DNAH7: variants seen among roughly 807,000 people sequenced by gnomAD.
The protein encoded by DNAH7 is dynein axonemal heavy chain 7.
Under a neutral mutation model 444.6 loss-of-function variants are expected in DNAH7, and 397 were observed. The observed-to-expected ratio is 0.89, with a 90% CI of 0.82 to 0.97. DNAH7 has a LOEUF of 0.97. DNAH7 is among the 50% of genes least tolerant of loss of function. The probability of loss-of-function intolerance (pLI) is 0.00; values close to 1 mark genes in which losing one functional copy is unlikely to be tolerated. For missense variants in DNAH7, 4,902 were observed against 4,800.8 expected (o/e 1.02, Z -0.62); for synonymous variants, 1,636 against 1,624.4 (o/e 1.01, Z -0.17).
intron 19 of DNAH7, among the ~76,000 whole-genome samples, chr2:195,941,994 C>T (rs540733630): frequency 1.1e-4 from 16 of 152,238 alleles, no homozygotes; most frequent in South Asian, 1.0e-3. Flanking sequence ...GGCTAATACA[C>T]GTTAGTGACC....
intron 10 of DNAH7, among the ~76,000 whole-genome samples, chr2:196,009,388 T>G (rs1694587118): frequency 6.6e-6 from 1 of 152,190 alleles, no homozygotes; most frequent in Admixed American, 6.5e-5. Flanking sequence ...ATACATTGGG[T>G]ACCGCTGGAA....
At chr2:195,980,778 A>T (rs1692521058) in intron 15 of DNAH7, among the ~76,000 whole-genome samples, 1 of 151,986 alleles carries the variant, frequency 6.6e-6, no homozygotes. Context: ...GATTGATGCT[A>T]AAAAAGCATT....
intron 10 of DNAH7, 68 bp from the exon 11 acceptor site, chr2:196,001,926 A>G (rs1694062586): frequency 3.8e-6 from 5 of 1,307,142 alleles, no homozygotes; most frequent in Admixed American, 2.5e-5. Context: ...ATTAAGCATT[A>G]ACACTAATTT....
chr2:195,903,471 T>C (rs1033848402), intron 27 of DNAH7: 1 of 152,140 alleles, frequency 6.6e-6, no homozygotes, highest in Non-Finnish European at 1.5e-5. Flanking sequence ...AGATCTAGAA[T>C]GTGTCTATTT....
At chr2:195,998,426 T>C (rs571326862) in intron 12 of DNAH7, among the ~76,000 whole-genome samples, 13 of 151,948 alleles carry the variant, frequency 8.6e-5, no homozygotes, top group Non-Finnish European at 1.6e-4. Context: ...ATACAAAAAA[T>C]AGCCACGCAT....
At chr2:195,878,910 G>A (rs1486476543) in intron 36 of DNAH7, among the ~76,000 whole-genome samples, 2 of 152,142 alleles carry the variant, frequency 1.3e-5, no homozygotes, top group African/African-American at 4.8e-5. Context: ...GGTAGGGGAA[G>A]GAGGTCAATG....
chr2:195,744,488 T>C (rs1693257910), intron 63 of DNAH7, among the ~76,000 whole-genome samples: 1 of 152,192 alleles, frequency 6.6e-6, no homozygotes, highest in Admixed American at 6.5e-5. Context: ...TCTGACAGCT[T>C]TGAGGAGAGC....
Position 195,864,135 on chromosome 2 carries a change from G to A in DNAH7, c.7506+14C>T, listed in dbSNP as rs748129155. 6.2e-6 allele frequency: 10 copies of A among 1,607,010 alleles called. No individual in the cohort carries two copies. The highest frequency in any genetic ancestry group is 8.5e-6 in the Non-Finnish European group (10 of 1,174,296). On this transcript the variant is annotated intron_variant, in intron 41 of 64. Coordinates refer to ENST00000312428, the MANE Select transcript of DNAH7 (RefSeq NM_018897.3). ...ACATTTCTAGAAGTCTATCTAAAAT[G>A]TACATGACAATACCTGAAACCAGTC...
At chr2:195,969,898 T>C (rs371100452) in intron 17 of DNAH7, 50 bp downstream of exon 17, 328 of 1,563,882 alleles carry the variant, frequency 2.1e-4, no homozygotes, top group Middle Eastern at 9.2e-4. Context: ...ACGAATTCAA[T>C]GCTTTTTCAA....
At chr2:195,834,918 A>G (rs1388741670) in intron 47 of DNAH7, among the ~76,000 whole-genome samples, 1 of 152,246 alleles carries the variant, frequency 6.6e-6, no homozygotes, top group East Asian at 1.9e-4. Flanking sequence ...ATCCAGGGAC[A>G]CTTAAGTGTT....
intron 54 of DNAH7, among the ~76,000 whole-genome samples, chr2:195,805,492 G>A (rs1696667444): frequency 1.3e-5 from 2 of 152,014 alleles, no homozygotes; most frequent in African/African-American, 4.8e-5. Flanking sequence ...TTTTTAAAAG[G>A]GCTACCAAGG....
At chr2:195,959,613 A>C (rs1690939101) in intron 18 of DNAH7, among the ~76,000 whole-genome samples, 1 of 152,164 alleles carries the variant, frequency 6.6e-6, no homozygotes, top group African/African-American at 2.4e-5. Context: ...ATGCAAATCC[A>C]CTGAAGACAG....
At chr2:195,747,043 A>C (rs534088020) in intron 63 of DNAH7, among the ~76,000 whole-genome samples, 6 of 152,352 alleles carry the variant, frequency 3.9e-5, no homozygotes, top group Non-Finnish European at 1.5e-5. Context: ...CCTTCAAAAA[A>C]TTAATGAATC....
rs769827731 is a variant in DNAH7, at chr2:196,068,755, C to T, written c.-44G>A. 10 of 1,549,128 alleles carry T rather than the reference C, an allele frequency of 6.5e-6. No individual in the cohort carries two copies. The South Asian group carries it at 1.1e-4, about 17-fold the overall frequency. On this transcript the variant is annotated 5_prime_UTR_variant, in exon 1 of 65. Coordinates refer to ENST00000312428, the MANE Select transcript of DNAH7 (RefSeq NM_018897.3). ...GCCTCACCGGTGCTTCTGGGTTGCT[C>T]CTGCCCGCGGAACCCCTAGGACGAT...
chr2:196,038,800 T>C (rs903326421), intron 5 of DNAH7, among the ~76,000 whole-genome samples: 1 of 152,194 alleles, frequency 6.6e-6, no homozygotes, highest in African/African-American at 2.4e-5. Context: ...GAGGTCATTA[T>C]ATAATGAAAA....
intron 3 of DNAH7, among the ~76,000 whole-genome samples, chr2:196,050,083 G>A (rs977962183): frequency 2.6e-5 from 4 of 152,140 alleles, no homozygotes; most frequent in African/African-American, 4.8e-5. Context: ...TTTCCTAAGC[G>A]AAACTGTCCT....
intron 40 of DNAH7, among the ~76,000 whole-genome samples, chr2:195,868,119 A>AC (rs1222586927): frequency 7.9e-6 from 1 of 127,280 alleles, no homozygotes; most frequent in Non-Finnish European, 1.6e-5. Flanking sequence ...TTTTTGAGAC[A>AC]GAGTCTCGCT....
intron 32 of DNAH7, 115 bp from the exon 33 acceptor site, chr2:195,888,549 T>C (rs1701838494): frequency 1.8e-6 from 2 of 1,120,428 alleles, no homozygotes; most frequent in Non-Finnish European, 2.5e-6. Flanking sequence ...GGAAGCTTAA[T>C]ATTATATAAT....
intron 7 of DNAH7, 74 bp downstream of exon 7, chr2:196,026,686 G>C: frequency 2.0e-6 from 2 of 1,007,336 alleles, no homozygotes; most frequent in Non-Finnish European, 2.9e-6. Context: ...TCAAGTATAG[G>C]TATTATTAAT....
Sources: gnomAD v4.1 joint callset for allele counts (sites outside exome capture counted in the v4.1 genomes callset) on GRCh38, gnomAD v4.1.1 for gene constraint, MANE v1.5 for transcripts, NCBI Gene and HGNC (gene_info 2026-07-23, HGNC 2026-07-21) for gene names.